The following GALNT3 variants were observed in gnomAD, a reference collection of about 807,000 sequenced individuals.
GALNT3 encodes the protein GalNAc transferase 3.
A neutral mutation model predicts 69.8 loss-of-function variants in GALNT3; 51 were observed. The observed-to-expected ratio is 0.73, with a 90% confidence interval of 0.58 to 0.92. The LOEUF is 0.92. GALNT3 is among the 40% of genes least tolerant of loss of function. GALNT3 has a pLI of 0.00. For synonymous variants in GALNT3, 265 were observed against 248.5 expected, an observed-to-expected ratio of 1.07 and a Z score of -0.63; for missense variants, 711 against 760.0, an observed-to-expected ratio of 0.94 and a Z score of 0.76.
rs115493554 is a variant in GALNT3 at position 165,747,998 on chromosome 2, T to C, written c.*783A>G. On this transcript the variant is annotated 3_prime_UTR_variant, in exon 11 of 11. Transcript: ENST00000392701. Reference sequence around the variant, plus strand: ...CACAAACATTCAAGATTAGTGAATTTTGGTAAGAAAAAAATACTAGAAGAA... The same window carrying C: ...CACAAACATTCAAGATTAGTGAATTCTGGTAAGAAAAAAATACTAGAAGAA... 1,517 of 177,222 alleles carry C rather than the reference T, an allele frequency of 8.6e-3. 24 individuals are homozygous for C. Among genetic ancestry groups the C allele is most frequent in the African/African-American group, 0.034 (1,438 of 42,378 alleles). 11.0% of individuals were successfully genotyped at this position (177,222 alleles called of 1,614,324 possible).
intron 1 of GALNT3, among the ~76,000 whole-genome samples, chr2:165,780,327 G>A (rs1309679802): frequency 6.6e-6 from 1 of 152,164 alleles, no homozygotes; most frequent in Non-Finnish European, 1.5e-5. Context: ...ATTTTGAAAG[G>A]TTCATTCACA....
chr2:165,772,808 G>C (rs1287372711), intron 1 of GALNT3, among the ~76,000 whole-genome samples: 1 of 152,134 alleles, frequency 6.6e-6, no homozygotes, highest in Admixed American at 6.6e-5. Context: ...GGCACAGGGA[G>C]AGAATGACAA....
chr2:165,761,685 A>C, intron 4 of GALNT3: 1 of 710,524 alleles, frequency 1.4e-6, no homozygotes, highest in South Asian at 1.5e-5. Context: ...GAAGTTGAGG[A>C]AACTTAAACA....
At chr2:165,760,196 G>T (rs1018301466) in intron 4 of GALNT3, among the ~76,000 whole-genome samples, 2 of 151,604 alleles carry the variant, frequency 1.3e-5, no homozygotes, top group African/African-American at 2.4e-5. Context: ...ATTTAAACTC[G>T]TATCTCCCTG....
Position 165,748,513 on chromosome 2 carries a change from G to A in GALNT3, c.*268C>T. ...AAACACACAAACATCACTTTACTTGGAAAATTATTTTCATCATACTGTAAA... is the reference window on the plus strand; with the variant it reads ...AAACACACAAACATCACTTTACTTGAAAAATTATTTTCATCATACTGTAAA... On this transcript the variant is annotated 3_prime_UTR_variant, in exon 11 of 11. Coordinates refer to ENST00000392701, the MANE Select transcript of GALNT3 (RefSeq NM_004482.4). 2.2e-6 allele frequency: 1 copy of A among 450,606 alleles called. No homozygotes were observed. The highest frequency in any genetic ancestry group is 4.0e-6 in the Non-Finnish European group (1 of 247,368). The allele number at this position is 450,606 out of a possible 1,614,324, so 27.9% of individuals were successfully genotyped here. A position where few individuals can be genotyped will look rare whatever the true frequency, so the allele number is the denominator to read the frequency against.
At chr2:165,790,162 TTGAAAC>T (rs1331077557) in intron 1 of GALNT3, among the ~76,000 whole-genome samples, 1 of 152,196 alleles carries the variant, frequency 6.6e-6, no homozygotes, top group Non-Finnish European at 1.5e-5. Flanking sequence ...TTTGGACAGT[TTGAAAC>T]TGAAACAATT....
At chr2:165,765,370 C>T (rs1688619635) in intron 2 of GALNT3, among the ~76,000 whole-genome samples, 1 of 152,140 alleles carries the variant, frequency 6.6e-6, no homozygotes, top group South Asian at 2.1e-4. Flanking sequence ...AAATAACCTA[C>T]AATGAGGCAG....
chr2:165,758,806 C>T lies in GALNT3; in HGVS notation c.1132G>A (p.Gly378Arg). ...SISKEYFEYI[G>R]SYDEEMEIWG... ...ATTTCCATTTCTTCATCATAGCTTCCAATATACTCAAAATATTCTTTTGAT... is the reference window on the plus strand; with the variant it reads ...ATTTCCATTTCTTCATCATAGCTTCTAATATACTCAAAATATTCTTTTGAT... The change falls in exon 6 of 11, where the codon GGA becomes AGA. Residue 378 changes from glycine to arginine, a missense_variant. By Grantham distance (125) the Gly-to-Arg change is moderately radical. Coordinates refer to ENST00000392701, the MANE Select transcript of GALNT3 (RefSeq NM_004482.4). The T allele has an allele frequency of 6.2e-7, 1 of 1,611,582 alleles. No homozygotes were observed. The highest frequency in any genetic ancestry group is 8.5e-7 in the Non-Finnish European group (1 of 1,177,998).
At chr2:165,779,587 C>T (rs954887894) in intron 1 of GALNT3, among the ~76,000 whole-genome samples, 2 of 151,970 alleles carry the variant, frequency 1.3e-5, no homozygotes, top group Non-Finnish European at 2.9e-5. Context: ...TGTCACAGTC[C>T]CACTAAATAT....
intron 9 of GALNT3, among the ~76,000 whole-genome samples, chr2:165,752,958 A>C (rs537583840): frequency 9.2e-5 from 14 of 152,298 alleles, no homozygotes; most frequent in Admixed American, 8.5e-4. Context: ...GTATAGATGT[A>C]TGTCTGTCTA....
At chr2:165,783,256 A>G (rs1444677010) in intron 1 of GALNT3, among the ~76,000 whole-genome samples, 1 of 152,142 alleles carries the variant, frequency 6.6e-6, no homozygotes, top group Non-Finnish European at 1.5e-5. Flanking sequence ...AGGAGTGTCT[A>G]CTGGGCCTTT....
At chr2:165,782,132 C>T (rs895759580) in intron 1 of GALNT3, among the ~76,000 whole-genome samples, 3 of 152,120 alleles carry the variant, frequency 2.0e-5, no homozygotes, top group Non-Finnish European at 4.4e-5. Flanking sequence ...AGTCTTATTT[C>T]AAATCTTTGA....
rs770232352 is a variant in GALNT3, at chr2:165,748,860, G to A, written c.1823C>T (p.Ala608Val). Reference protein sequence around the residue: ...YNPFLKMCLSANGEHPSLVSC... With the variant: ...YNPFLKMCLSVNGEHPSLVSC... Reference sequence around the variant, plus strand: ...CACTAAACTTGGATGCTCTCCATTTGCTGAAAGGCACATTTTTAAGAATGG... The same window carrying A: ...CACTAAACTTGGATGCTCTCCATTTACTGAAAGGCACATTTTTAAGAATGG... Residue 608 changes from alanine (A) to valine (V), a missense_variant, in exon 11 of 11, where the codon GCA becomes GTA. By Grantham distance (64) the Ala-to-Val change is moderately conservative. Transcript: ENST00000392701. 1.7e-5 allele frequency: 27 copies of A among 1,610,810 alleles called. No homozygotes were observed. In the South Asian group the frequency reaches 3.0e-4, roughly 18 times the overall value.
chr2:165,769,009 G>C lies in GALNT3; in HGVS notation c.515+1177C>G, dbSNP rs557308497. 3.5e-3 allele frequency among the ~76,000 whole-genome samples: 533 copies of C among 150,496 alleles called. 3 individuals carry two copies. Among genetic ancestry groups the C allele is most frequent in the Admixed American group, 5.3e-3 (80 of 15,144 alleles). ...GGGGTTTCACCATGTTGGCCAGGCT[G>C]CTCTCAAACTCCTGACCTCAGCTGA... On this transcript the variant is annotated intron_variant, in intron 2 of 10. Transcript: ENST00000392701.
At position 165,754,949 on chromosome 2, in the gene GALNT3, G is replaced by C; in HGVS notation, c.1507C>G (p.Pro503Ala). 2.0e-5 allele frequency: 33 copies of C among 1,613,466 alleles called. No individual in the cohort carries two copies. Among genetic ancestry groups the C allele is most frequent in the Non-Finnish European group, 2.8e-5 (33 of 1,179,608 alleles). Residue 503 changes from proline to alanine, a missense_variant, in exon 8 of 11, where the codon CCT becomes GCT. Physicochemically the swap from Pro to Ala is conservative, Grantham distance 27. Transcript: ENST00000392701. ...ATACTCACGTATCCAGATATAACAG[G>C]ATTAAGGTCTGGCACATACACCTCT... is the stretch of plus-strand genomic sequence containing the variant. ...YPEVYVPDLN[P>A]VISGYIKSVG...
In GALNT3 at chr2:165,765,060, G is replaced by A. The variant is rs1688615277; in HGVS notation, c.516-4C>T. ...CTTAAATTTTTGTTCAATACATCTAGAAGAAGTCAGAGAAGTAGAAAAACA... is the reference window on the plus strand; with the variant it reads ...CTTAAATTTTTGTTCAATACATCTAAAAGAAGTCAGAGAAGTAGAAAAACA... On this transcript the variant is annotated splice_polypyrimidine_tract_variant and splice_region_variant and intron_variant, in intron 2 of 10. Coordinates refer to ENST00000392701, the MANE Select transcript of GALNT3 (RefSeq NM_004482.4). 1 of 1,612,564 alleles carries A rather than the reference G, an allele frequency of 6.2e-7. No homozygotes were observed. Among genetic ancestry groups the A allele is most frequent in the East Asian group, 2.2e-5 (1 of 44,876 alleles).
At chr2:165,779,081 C>G (rs551817599) in intron 1 of GALNT3, among the ~76,000 whole-genome samples, 5 of 152,230 alleles carry the variant, frequency 3.3e-5, no homozygotes, top group African/African-American at 1.2e-4. Context: ...AACACCAACT[C>G]TAGAAAAAGC....
At chr2:165,770,008 T>G in intron 2 of GALNT3, 178 bp downstream of exon 2, 1 of 720,090 alleles carries the variant, frequency 1.4e-6, no homozygotes, top group Non-Finnish European at 2.4e-6. Flanking sequence ...CAAGCATAAA[T>G]AGGGATATGT....
chr2:165,778,653 T>C lies in GALNT3; in HGVS notation c.-108-7845A>G, dbSNP rs1462127898. Among the ~76,000 whole-genome samples, 3 of 152,188 alleles carry C rather than the reference T, an allele frequency of 2.0e-5. No individual in the cohort carries two copies. In the East Asian group the frequency reaches 5.8e-4, roughly 29 times the overall value. Reference sequence around the variant, plus strand: ...TGGAGATGCCCTAGCTTTGACTACCTGGTAAAAAGTCATAGAAGTACTTCA... The same window carrying C: ...TGGAGATGCCCTAGCTTTGACTACCCGGTAAAAAGTCATAGAAGTACTTCA... On this transcript the variant is annotated intron_variant, in intron 1 of 10. Coordinates refer to ENST00000392701, the MANE Select transcript of GALNT3 (RefSeq NM_004482.4).
Sources: gnomAD v4.1 joint callset for allele counts (sites outside exome capture counted in the v4.1 genomes callset) on GRCh38, gnomAD v4.1.1 for gene constraint, MANE v1.5 for transcripts, NCBI Gene and HGNC (gene_info 2026-07-23, HGNC 2026-07-21) for gene names.